SERPINA12: variants seen among roughly 807,000 people sequenced by gnomAD.
The protein encoded by SERPINA12 is serpin A12.
A neutral mutation model predicts 25.9 loss-of-function variants in SERPINA12; 21 were observed. That is an observed-to-expected ratio of 0.81 (90% CI 0.58 to 1.17). The LOEUF is 1.17. SERPINA12 is among the 50% of genes most tolerant of loss of function. The probability of loss-of-function intolerance (pLI) is 0.00; values close to 1 mark genes in which losing one functional copy is unlikely to be tolerated. For missense variants in SERPINA12, 562 were observed against 508.3 expected (o/e 1.11, Z -1.02); for synonymous variants, 220 against 196.0 (o/e 1.12, Z -1.02).
intron 3 of SERPINA12, among the ~76,000 whole-genome samples, chr14:94,495,279 G>A (rs940286032): frequency 5.3e-5 from 8 of 151,414 alleles, no homozygotes; most frequent in Non-Finnish European, 8.8e-5. Flanking sequence ...CGTTTTAGCC[G>A]GGATGGTCTC....
rs776425041 is a variant in SERPINA12, at chr14:94,498,046, A to T, written c.352T>A (p.Tyr118Asn). 6.2e-7 allele frequency: 1 copy of T among 1,614,178 alleles called. No individual in the cohort carries two copies. The highest frequency in any genetic ancestry group is 1.1e-5 in the South Asian group (1 of 91,078). Residue 118 changes from tyrosine (Y) to asparagine (N), a missense_variant, in exon 2 of 5, where the codon TAC (tyrosine) becomes AAC (asparagine). Physicochemically the swap from Tyr to Asn is moderately radical, Grantham distance 143. Coordinates refer to ENST00000677451, the MANE Select transcript of SERPINA12 (RefSeq NM_001382267.1). Reference sequence around the variant, plus strand: ...TTCTGGGTCAGCTCGTGGATGATGTAATGGAAGCCCTCATGAAGATCTTTT... The same window carrying T: ...TTCTGGGTCAGCTCGTGGATGATGTTATGGAAGCCCTCATGAAGATCTTTT... ...PEKDLHEGFH[Y>N]IIHELTQKTQ...
chr14:94,504,416 T>A (rs1184451374), intron 1 of SERPINA12, among the ~76,000 whole-genome samples: 1 of 152,186 alleles, frequency 6.6e-6, no homozygotes, highest in Non-Finnish European at 1.5e-5. Context: ...GCTCTCTGGG[T>A]ATGGAAGCCA....
chr14:94,512,082 TG>T (rs1340412802), upstream of SERPINA12, among the ~76,000 whole-genome samples: 2 of 151,272 alleles, frequency 1.3e-5, no homozygotes, highest in Admixed American at 1.3e-4. Context: ...TGGGTGACAG[TG>T]ATACTCCATC....
upstream of SERPINA12, among the ~76,000 whole-genome samples, chr14:94,509,627 G>C (rs1430588971): frequency 1.3e-5 from 2 of 152,176 alleles, no homozygotes; most frequent in Non-Finnish European, 2.9e-5. Flanking sequence ...GCGTCTGGGA[G>C]TTCCCTTCCT....
At chr14:94,510,229 T>G, upstream of SERPINA12, 1 of 985,432 alleles carries the variant, frequency 1.0e-6, no homozygotes, top group Non-Finnish European at 1.2e-6. Flanking sequence ...TTGGAAGTCA[T>G]GCTGTCAATC....
chr14:94,511,022 A>G (rs1901094898), upstream of SERPINA12, among the ~76,000 whole-genome samples: 1 of 152,092 alleles, frequency 6.6e-6, no homozygotes, highest in Non-Finnish European at 1.5e-5. Flanking sequence ...GTGCACTAAA[A>G]CTCAGAAATC....
chr14:94,498,842 A>G (rs551045220), intron 1 of SERPINA12, among the ~76,000 whole-genome samples: 29 of 152,310 alleles, frequency 1.9e-4, no homozygotes, highest in Middle Eastern at 3.4e-3. Context: ...CAGACCTCTC[A>G]GTGTCTTTCT....
upstream of SERPINA12, among the ~76,000 whole-genome samples, chr14:94,512,466 G>A (rs1309868170): frequency 1.3e-5 from 2 of 152,172 alleles, no homozygotes; most frequent in Non-Finnish European, 2.9e-5. Flanking sequence ...AGTAATCATA[G>A]CAATAGTTAT....
At chr14:94,494,678 A>G (rs1900318620) in intron 3 of SERPINA12, among the ~76,000 whole-genome samples, 4 of 152,214 alleles carry the variant, frequency 2.6e-5, no homozygotes. Flanking sequence ...AGAAGTTCAA[A>G]AGTTCTGCTG....
chr14:94,496,521 C>T lies in SERPINA12; in HGVS notation c.757G>A (p.Asp253Asn), dbSNP rs368890770. The change falls in exon 3 of 5, where the codon GAT (aspartate) becomes AAT (asparagine). Residue 253 changes from aspartate to asparagine, a missense_variant. By Grantham distance (23) the Asp-to-Asn change is conservative. Coordinates refer to ENST00000677451, the MANE Select transcript of SERPINA12 (RefSeq NM_001382267.1). ...RSGIYQVGYD[D>N]KLSCTILEIP... ...TCCAGGATGGTGCAAGAGAGCTTAT[C>T]GTCATAGCCAACTTGGTATATGCCA... 10 of 1,613,776 alleles carry T rather than the reference C, an allele frequency of 6.2e-6. No homozygotes were observed. The highest frequency in any genetic ancestry group is 2.2e-5 in the East Asian group (1 of 44,894).
chr14:94,494,280 C>G (rs1900302027), intron 3 of SERPINA12, among the ~76,000 whole-genome samples: 1 of 152,196 alleles, frequency 6.6e-6, no homozygotes, highest in African/African-American at 2.4e-5. Context: ...AGAGTGCAGG[C>G]TGAAACACGT....
upstream of SERPINA12, chr14:94,511,538 C>T (rs1375175066): frequency 1.0e-6 from 1 of 985,308 alleles, no homozygotes; most frequent in African/African-American, 1.7e-5. Flanking sequence ...CCTGGGATGG[C>T]TCACTCTAGT....
rs765646370 is a variant in SERPINA12 at position 94,496,535 on chromosome 14, T to G, written c.743A>C (p.Gln248Pro). The G allele has an allele frequency of 8.7e-6, 14 of 1,613,822 alleles. No homozygotes were observed. In the Admixed American group the frequency reaches 1.8e-4, roughly 21 times the overall value. Residue 248 changes from glutamine to proline, a missense_variant, in exon 3 of 5, where the codon CAA (glutamine) becomes CCA (proline). Gln to Pro is a moderately conservative substitution (Grantham distance 76). Coordinates refer to ENST00000677451, the MANE Select transcript of SERPINA12 (RefSeq NM_001382267.1). ...VPMMFRSGIY[Q>P]VGYDDKLSCT... ...AGAGAGCTTATCGTCATAGCCAACT[T>G]GGTATATGCCACTACGGAACATCAT...
chr14:94,489,592 G>C (rs545881143), intron 4 of SERPINA12, 28 bp downstream of exon 4: 10 of 1,611,390 alleles, frequency 6.2e-6, no homozygotes, highest in South Asian at 4.4e-5. Flanking sequence ...GTGCTGCAGG[G>C]AGTGGAGTCC....
chr14:94,511,302 C>T (rs1038244567), upstream of SERPINA12: 2 of 544,542 alleles, frequency 3.7e-6, no homozygotes, highest in African/African-American at 4.1e-5. Flanking sequence ...CTGTGAGGGA[C>T]CATTGTCACA....
chr14:94,496,341 A>G (rs1217041007), intron 3 of SERPINA12, 32 bp downstream of exon 3: 1 of 1,612,276 alleles, frequency 6.2e-7, no homozygotes, highest in Non-Finnish European at 8.5e-7. Context: ...CAAGAGAAGG[A>G]AAAAGCTGCG....
chr14:94,509,554 C>CA (rs1275918529), upstream of SERPINA12, among the ~76,000 whole-genome samples: 1 of 152,186 alleles, frequency 6.6e-6, no homozygotes, highest in Non-Finnish European at 1.5e-5. Context: ...CTGCCACCTC[C>CA]ACCCCTTTCC....
upstream of SERPINA12, among the ~76,000 whole-genome samples, chr14:94,511,076 C>T (rs1901096239): frequency 6.6e-6 from 1 of 151,970 alleles, no homozygotes; most frequent in Admixed American, 6.6e-5. Context: ...CCACCTGTAC[C>T]CCAAAAACTC....
At chr14:94,504,324 T>A (rs886666348) in intron 1 of SERPINA12, 10 of 152,220 alleles carry the variant, frequency 6.6e-5, no homozygotes, top group Admixed American at 2.6e-4. Context: ...CGGCATGATA[T>A]CGTACCGGCC....
Sources: allele counts gnomAD v4.1 joint callset (sites outside exome capture counted in the v4.1 genomes callset), GRCh38; gene constraint gnomAD v4.1.1; transcripts MANE v1.5; gene names NCBI Gene and HGNC (gene_info 2026-07-23, HGNC 2026-07-21).